The following KL variants were observed in gnomAD, a reference collection of about 807,000 sequenced individuals.
The protein encoded by KL is klotho.
Under a neutral mutation model 84.2 loss-of-function variants are expected in KL, and 62 were observed. That is an observed-to-expected ratio of 0.74 (90% CI 0.60 to 0.91). The LOEUF is 0.91. Ranked by LOEUF, KL falls within the 40% of genes least tolerant of loss-of-function variation. The pLI is 0.00. For synonymous variants in KL, 528 were observed against 528.0 expected (o/e 1.00, Z 0.00); for missense variants, 1,261 against 1,305.7 (o/e 0.97, Z 0.53).
intron 1 of KL, among the ~76,000 whole-genome samples, chr13:33,031,442 A>T (rs1870969480): frequency 6.6e-6 from 1 of 152,124 alleles, no homozygotes; most frequent in Non-Finnish European, 1.5e-5. Context: ...ACATTGAAAA[A>T]ATCACATATA....
chr13:33,017,768 A>C (rs1202650086), intron 1 of KL, among the ~76,000 whole-genome samples: 1 of 152,240 alleles, frequency 6.6e-6, no homozygotes, highest in Non-Finnish European at 1.5e-5. Flanking sequence ...CCGGAGAGTC[A>C]GATTTAAACT....
intron 1 of KL, among the ~76,000 whole-genome samples, chr13:33,032,178 C>G (rs934427992): frequency 1.3e-5 from 2 of 152,220 alleles, no homozygotes; most frequent in African/African-American, 4.8e-5. Context: ...TGACTTGCCA[C>G]TAACGTCTTT....
Position 33,055,245 on chromosome 13 carries a change from C to T in KL, c.1529C>T (p.Pro510Leu). Residue 510 changes from proline (P) to leucine (L), a missense_variant, in exon 3 of 5, where the codon CCT becomes CTT. By Grantham distance (98) the Pro-to-Leu change is moderately conservative (BLOSUM62 -3). Transcript: ENST00000380099. ...LIEKNGFPPL[P>L]ENQPLEGTFP... The stretch of plus-strand genomic sequence containing the variant: ...GAGAAAAATGGCTTCCCTCCTTTAC[C>T]TGAAAATCAGCCCCTAGAAGGGACA... 1 of 1,614,220 alleles carries T rather than the reference C, an allele frequency of 6.2e-7. No individual in the cohort carries two copies. Among genetic ancestry groups the T allele is most frequent in the Non-Finnish European group, 8.5e-7 (1 of 1,180,036 alleles).
At chr13:33,047,189 C>G (rs558458318) in intron 1 of KL, among the ~76,000 whole-genome samples, 17 of 152,180 alleles carry the variant, frequency 1.1e-4, no homozygotes, top group African/African-American at 4.1e-4. Flanking sequence ...TAGTGATGTT[C>G]AAAGCCTCCA....
rs1329249372 is a variant in KL at position 33,065,389 on chromosome 13, C to T, written c.*1203C>T. On this transcript the variant is annotated 3_prime_UTR_variant, in exon 5 of 5. Coordinates refer to ENST00000380099, the MANE Select transcript of KL (RefSeq NM_004795.4). ...TATCTAGAAAGGGCTAATTAGGTCTCATCCTTTAATGCCCCTTAAATAAGT... is the reference window on the plus strand; with the variant it reads ...TATCTAGAAAGGGCTAATTAGGTCTTATCCTTTAATGCCCCTTAAATAAGT... 2 of 200,846 alleles carry T rather than the reference C, an allele frequency of 1.0e-5. No individual in the cohort carries two copies. The highest frequency in any genetic ancestry group is 4.6e-5 in the African/African-American group (2 of 43,564). The allele number at this position is 200,846 out of a possible 1,614,324, so 12.4% of individuals were successfully genotyped here. A position where few individuals can be genotyped will look rare whatever the true frequency, so the allele number is the denominator to read the frequency against.
rs1272628521 is a variant in KL, at chr13:33,017,192, G to A, written c.752G>A (p.Gly251Glu). 3 of 1,598,034 alleles carry A rather than the reference G, an allele frequency of 1.9e-6. No homozygotes were observed. In the South Asian group the frequency reaches 3.3e-5, roughly 18 times the overall value. Residue 251 changes from glycine to glutamate, a missense_variant, in exon 1 of 5, where the codon GGG becomes GAG. Gly to Glu is a moderately conservative substitution (Grantham distance 98). Coordinates refer to ENST00000380099, the MANE Select transcript of KL (RefSeq NM_004795.4). ...YVVAWHGYAT[G>E]RLAPGIRGSP... is the part of the protein sequence containing the mutation. ...GTGGCCTGGCACGGCTACGCCACCG[G>A]GCGCCTGGCCCCCGGCATCCGGGGC...
chr13:33,024,636 C>T (rs368499348), intron 1 of KL, among the ~76,000 whole-genome samples: 7 of 152,210 alleles, frequency 4.6e-5, no homozygotes, highest in African/African-American at 1.4e-4. Flanking sequence ...GAGGCAAGCC[C>T]GTTGCCCTGT....
intron 1 of KL, among the ~76,000 whole-genome samples, chr13:33,027,905 T>C (rs976064372): frequency 1.3e-5 from 2 of 152,142 alleles, no homozygotes; most frequent in African/African-American, 4.8e-5. Context: ...GGGGAAAGAA[T>C]TGTGAAGGAT....
intron 1 of KL, among the ~76,000 whole-genome samples, chr13:33,045,770 C>T (rs538478820): frequency 2.6e-5 from 4 of 152,304 alleles, no homozygotes; most frequent in African/African-American, 4.8e-5. Flanking sequence ...TGAGCCACCA[C>T]GCCCGGCCCA....
intron 1 of KL, among the ~76,000 whole-genome samples, chr13:33,036,308 A>G (rs1871144067): frequency 6.6e-6 from 1 of 152,002 alleles, no homozygotes; most frequent in African/African-American, 2.4e-5. Context: ...ATTACTGTCA[A>G]GGTGGGTTCT....
Position 33,065,689 on chromosome 13 carries a change from T to G in KL, c.*1503T>G, listed in dbSNP as rs1872387048. ...GAATCAAGTTTATTTTATGTATATATTTTTCTGATTATAAGAGTAATATAT... is the reference window on the plus strand; with the variant it reads ...GAATCAAGTTTATTTTATGTATATAGTTTTCTGATTATAAGAGTAATATAT... On this transcript the variant is annotated 3_prime_UTR_variant, in exon 5 of 5. Coordinates refer to ENST00000380099, the MANE Select transcript of KL (RefSeq NM_004795.4). 2 of 177,170 alleles carry G rather than the reference T, an allele frequency of 1.1e-5. No individual in the cohort carries two copies. The highest frequency in any genetic ancestry group is 6.3e-5 in the Admixed American group (1 of 15,830). The allele number at this position is 177,170 out of a possible 1,614,324, so 11.0% of individuals were successfully genotyped here. A position where few individuals can be genotyped will look rare whatever the true frequency, so the allele number is the denominator to read the frequency against.
At chr13:33,029,960 A>G (rs1354515295) in intron 1 of KL, among the ~76,000 whole-genome samples, 2 of 149,082 alleles carry the variant, frequency 1.3e-5, no homozygotes, top group Non-Finnish European at 3.0e-5. Context: ...AAAGGAATTT[A>G]TTTCCTCACA....
chr13:33,049,161 A>AT (rs951000625), intron 1 of KL, among the ~76,000 whole-genome samples: 3 of 152,234 alleles, frequency 2.0e-5, no homozygotes, highest in Admixed American at 2.0e-4. Flanking sequence ...CTTCTAATTT[A>AT]TTTTTTAATG....
intron 1 of KL, among the ~76,000 whole-genome samples, chr13:33,044,816 A>G (rs1340508289): frequency 6.6e-6 from 1 of 151,974 alleles, no homozygotes; most frequent in East Asian, 1.9e-4. Context: ...GTTCCTGGCC[A>G]AATGCAGCTG....
chr13:33,037,528 CCT>C, intron 1 of KL, among the ~76,000 whole-genome samples: 1 of 152,084 alleles, frequency 6.6e-6, no homozygotes. Context: ...CCAATGTTGT[CCT>C]CTCTTCATTG....
intron 1 of KL, among the ~76,000 whole-genome samples, chr13:33,052,431 T>C (rs1264881664): frequency 6.6e-6 from 1 of 152,232 alleles, no homozygotes; most frequent in Non-Finnish European, 1.5e-5. Flanking sequence ...AGTGCCACTA[T>C]TCTTTTGATC....
chr13:33,049,958 T>A (rs886119396), intron 1 of KL, among the ~76,000 whole-genome samples: 3 of 152,204 alleles, frequency 2.0e-5, no homozygotes, highest in Non-Finnish European at 4.4e-5. Flanking sequence ...TCCCTCCAGA[T>A]CAAAGTGCTA....
At chr13:33,042,830 T>C (rs529153950) in intron 1 of KL, among the ~76,000 whole-genome samples, 23 of 152,180 alleles carry the variant, frequency 1.5e-4, no homozygotes, top group Admixed American at 5.2e-4. Context: ...TACAGGCATG[T>C]GCCACCACAC....
intron 4 of KL, among the ~76,000 whole-genome samples, chr13:33,063,347 T>C (rs991842094): frequency 6.6e-6 from 1 of 151,980 alleles, no homozygotes; most frequent in African/African-American, 2.4e-5. Flanking sequence ...GTTTCAACCC[T>C]GCTAAATGCA....
Sources: gnomAD v4.1 joint callset for allele counts (sites outside exome capture counted in the v4.1 genomes callset) on GRCh38, gnomAD v4.1.1 for gene constraint, MANE v1.5 for transcripts, NCBI Gene and HGNC (gene_info 2026-07-23, HGNC 2026-07-21) for gene names.